The following MECOM variants were observed in gnomAD, a reference collection of about 807,000 sequenced individuals.
MECOM encodes histone-lysine N-methyltransferase MECOM.
MECOM carries 13 observed loss-of-function variants against 116.3 expected under a neutral mutation model. The observed-to-expected ratio is 0.11, with a 90% confidence interval of 0.07 to 0.18. The LOEUF is 0.18. Ranked by LOEUF, MECOM falls within the 10% of genes least tolerant of loss-of-function variation. MECOM has a pLI of 1.00. For synonymous variants in MECOM, 528 were observed against 535.2 expected (o/e 0.99, Z 0.19); for missense variants, 1,299 against 1,509.0 (o/e 0.86, Z 2.31).
At position 169,403,556 on chromosome 3, in the gene MECOM, A is replaced by G. The variant is rs79177380; in HGVS notation, c.38-22032T>C. 8.6e-4 allele frequency among the ~76,000 whole-genome samples: 131 copies of G among 152,304 alleles called. 4 individuals carry two copies. The East Asian group carries it at 0.017, about 20-fold the overall frequency. ...TATACTTCTAGGCATTCTGTTTTGG[A>G]TTTTCATTTTAAGAAATATAAAAGG... On this transcript the variant is annotated intron_variant, in intron 1 of 16. Coordinates refer to ENST00000651503, the MANE Select transcript of MECOM (RefSeq NM_004991.4).
chr3:169,266,670 G>A (rs1405170075), intron 2 of MECOM, among the ~76,000 whole-genome samples: 1 of 152,028 alleles, frequency 6.6e-6, no homozygotes, highest in African/African-American at 2.4e-5. Flanking sequence ...TATTACATTT[G>A]GTCTTTAATA....
chr3:169,098,524 T>C (rs570543945), intron 12 of MECOM, among the ~76,000 whole-genome samples: 1 of 152,310 alleles, frequency 6.6e-6, no homozygotes, highest in East Asian at 1.9e-4. Flanking sequence ...ATGTCTAACT[T>C]CTGGCATTGT....
At chr3:169,640,349 A>G (rs1049258622) in intron 1 of MECOM, among the ~76,000 whole-genome samples, 3 of 152,198 alleles carry the variant, frequency 2.0e-5, no homozygotes, top group African/African-American at 7.2e-5. Flanking sequence ...TGGGCTGTCA[A>G]TAAAAAAGTG....
intron 1 of MECOM, among the ~76,000 whole-genome samples, chr3:169,558,521 A>C (rs1387854519): frequency 6.6e-6 from 1 of 152,208 alleles, no homozygotes; most frequent in Admixed American, 6.5e-5. Flanking sequence ...AAAGTATTTC[A>C]CTGGCCTTTG....
At chr3:169,364,057 T>C (rs1179790723) in intron 2 of MECOM, among the ~76,000 whole-genome samples, 1 of 151,980 alleles carries the variant, frequency 6.6e-6, no homozygotes, top group Non-Finnish European at 1.5e-5. Flanking sequence ...TGTGGTTTAC[T>C]CTTAAGTACA....
intron 1 of MECOM, among the ~76,000 whole-genome samples, chr3:169,654,871 A>G (rs1775353728): frequency 2.0e-5 from 3 of 152,068 alleles, no homozygotes; most frequent in Non-Finnish European, 4.4e-5. Flanking sequence ...AAGAAGATAT[A>G]GATCTTAAAA....
intron 10 of MECOM, among the ~76,000 whole-genome samples, chr3:169,104,243 G>T (rs1175416059): frequency 6.6e-6 from 1 of 152,140 alleles, no homozygotes; most frequent in African/African-American, 2.4e-5. Context: ...AGGAAATTCT[G>T]TCTCTGCAGA....
At chr3:169,432,003 T>C (rs892855172) in intron 1 of MECOM, among the ~76,000 whole-genome samples, 1 of 151,928 alleles carries the variant, frequency 6.6e-6, no homozygotes, top group Non-Finnish European at 1.5e-5. Flanking sequence ...TTTTCACCTT[T>C]TTTTTTTTCA....
At chr3:169,588,306 C>T (rs1345159423) in intron 1 of MECOM, among the ~76,000 whole-genome samples, 1 of 152,142 alleles carries the variant, frequency 6.6e-6, no homozygotes. Context: ...TCTTTGGCAA[C>T]TCCTTTTGGA....
chr3:169,485,902 A>AT (rs1752120940), intron 1 of MECOM, among the ~76,000 whole-genome samples: 2 of 123,578 alleles, frequency 1.6e-5, no homozygotes, highest in East Asian at 3.0e-4. Context: ...TAGTATATAT[A>AT]GTATATATGT....
chr3:169,641,296 C>A (rs770076808), intron 1 of MECOM, among the ~76,000 whole-genome samples: 1 of 152,120 alleles, frequency 6.6e-6, no homozygotes, highest in East Asian at 1.9e-4. Context: ...AGGACAGGAT[C>A]GGCTGAAGAA....
chr3:169,225,203 T>C (rs929618863), intron 2 of MECOM, among the ~76,000 whole-genome samples: 4 of 152,338 alleles, frequency 2.6e-5, no homozygotes, highest in Middle Eastern at 3.4e-3. Flanking sequence ...AATAAAAATA[T>C]AGACACTATG....
intron 2 of MECOM, among the ~76,000 whole-genome samples, chr3:169,324,133 G>A (rs1241787222): frequency 1.3e-5 from 2 of 152,196 alleles, no homozygotes; most frequent in Non-Finnish European, 1.5e-5. Flanking sequence ...CATGGGGGTG[G>A]AGAGGAAAGA....
At chr3:169,449,262 G>A (rs1203930030) in intron 1 of MECOM, among the ~76,000 whole-genome samples, 2 of 152,124 alleles carry the variant, frequency 1.3e-5, no homozygotes, top group African/African-American at 4.8e-5. Flanking sequence ...CCATAACATA[G>A]TTCTTGCTGA....
rs773661311 is a variant in MECOM at position 169,115,825 on chromosome 3, C to T, written c.2047G>A (p.Asp683Asn). Residue 683 changes from aspartate (D) to asparagine (N), a missense_variant, in exon 8 of 17, where the codon GAC becomes AAC. By Grantham distance (23) the Asp-to-Asn change is conservative (BLOSUM62 1). Transcript: ENST00000651503. ...TAAGGTAAAGCTCCAACTTTTTTGT[C>T]TTGCAGCCCCACCAGTCCTGTTGAA... is the stretch of plus-strand genomic sequence containing the variant. ...FGSTGLVGLQ[D>N]KKVGALPYPS... 1 of 1,613,888 alleles carries T rather than the reference C, an allele frequency of 6.2e-7. No homozygotes were observed. Among genetic ancestry groups the T allele is most frequent in the African/African-American group, 1.3e-5 (1 of 74,906 alleles).
intron 1 of MECOM, among the ~76,000 whole-genome samples, chr3:169,546,507 T>C (rs368305431): frequency 1.3e-5 from 2 of 152,340 alleles, no homozygotes; most frequent in South Asian, 2.1e-4. Flanking sequence ...GTGAAGTGAC[T>C]GGTCCAATGT....
intron 1 of MECOM, among the ~76,000 whole-genome samples, chr3:169,622,215 G>A (rs1005113168): frequency 4.6e-5 from 7 of 151,944 alleles, no homozygotes; most frequent in South Asian, 2.1e-4. Context: ...TCAGCCTCCC[G>A]AGTAGCTGGG....
chr3:169,140,975 A>G (rs1737928312), intron 3 of MECOM, among the ~76,000 whole-genome samples: 1 of 152,070 alleles, frequency 6.6e-6, no homozygotes, highest in Non-Finnish European at 1.5e-5. Flanking sequence ...CTGTATTATA[A>G]TCTTAGCAAG....
At chr3:169,306,186 T>C (rs1481552065) in intron 2 of MECOM, among the ~76,000 whole-genome samples, 1 of 152,182 alleles carries the variant, frequency 6.6e-6, no homozygotes. Context: ...TATCTTCCTT[T>C]GTATAATTAT....
Sources: allele counts gnomAD v4.1 joint callset (sites outside exome capture counted in the v4.1 genomes callset), GRCh38; gene constraint gnomAD v4.1.1; transcripts MANE v1.5; gene names NCBI Gene and HGNC (gene_info 2026-07-23, HGNC 2026-07-21).